Variants in STAG1 observed in about 807,000 individuals in gnomAD.
STAG1 encodes cohesin subunit SA-1.
Under a neutral mutation model 170.9 loss-of-function variants are expected in STAG1, and 26 were observed. The observed-to-expected ratio is 0.15, with a 90% CI of 0.11 to 0.21. The LOEUF is 0.21. STAG1 is among the 10% of genes least tolerant of loss of function. STAG1 has a pLI of 1.00. For missense variants in STAG1, 964 were observed against 1,509.5 expected (o/e 0.64, Z 5.99); for synonymous variants, 514 against 497.7 (o/e 1.03, Z -0.44).
At chr3:136,592,736 C>T (rs2107794516) in intron 4 of STAG1, among the ~76,000 whole-genome samples, 1 of 152,252 alleles carries the variant, frequency 6.6e-6, no homozygotes, top group African/African-American at 2.4e-5. Context: ...TTCTTATCCA[C>T]ATAGAGATTA....
intron 1 of STAG1, among the ~76,000 whole-genome samples, chr3:136,742,888 T>C (rs1233788083): frequency 2.0e-5 from 3 of 152,098 alleles, no homozygotes; most frequent in Non-Finnish European, 4.4e-5. Flanking sequence ...AATGTATTTA[T>C]TAGAAAACAA....
chr3:136,692,126 CCAA>C (rs1942745323), intron 1 of STAG1, among the ~76,000 whole-genome samples: 1 of 147,436 alleles, frequency 6.8e-6, no homozygotes, highest in African/African-American at 2.5e-5. Flanking sequence ...ACCAGCCTGG[CCAA>C]CATGATGAAA....
At chr3:136,696,074 A>C (rs575407696) in intron 1 of STAG1, among the ~76,000 whole-genome samples, 1 of 152,360 alleles carries the variant, frequency 6.6e-6, no homozygotes, top group Admixed American at 6.5e-5. Context: ...CAAACAAAAG[A>C]TTGGGGTTTT....
intron 20 of STAG1, 117 bp from the exon 21 acceptor site, chr3:136,418,089 C>G: frequency 2.5e-6 from 2 of 789,944 alleles, no homozygotes; most frequent in Non-Finnish European, 4.1e-6. Context: ...CACACTGGCT[C>G]ACGCCTGTAA....
chr3:136,519,251 C>T (rs1251682422), intron 7 of STAG1, among the ~76,000 whole-genome samples: 1 of 152,016 alleles, frequency 6.6e-6, no homozygotes, highest in Non-Finnish European at 1.5e-5. Flanking sequence ...TACAATTAAC[C>T]TTTTAAACAG....
rs1488020978 is a variant in STAG1 at position 136,336,930 on chromosome 3, TTC to T, written c.*1322_*1323del. 1.4e-5 allele frequency: 2 copies of T among 145,338 alleles called. No individual in the cohort carries two copies. The highest frequency in any genetic ancestry group is 7.2e-5 in the Admixed American group (1 of 13,916). 9.0% of individuals were successfully genotyped at this position (145,338 alleles called of 1,614,324 possible). On this transcript the variant is annotated 3_prime_UTR_variant, in exon 34 of 34. Coordinates refer to ENST00000383202, the MANE Select transcript of STAG1 (RefSeq NM_005862.3). Reference sequence around the variant, plus strand: ...AGCTGTGGATGAATTGGTTTGGAAATTCTGAGGCTTACTTTAGAAATCAGAAA... The same window carrying T: ...AGCTGTGGATGAATTGGTTTGGAAATTGAGGCTTACTTTAGAAATCAGAAA...
intron 24 of STAG1, among the ~76,000 whole-genome samples, 193 bp from the exon 25 acceptor site, chr3:136,367,275 T>G (rs1937110863): frequency 6.6e-6 from 1 of 152,120 alleles, no homozygotes; most frequent in African/African-American, 2.4e-5. Flanking sequence ...TATCAAACAT[T>G]TAATAGGTAC....
chr3:136,751,114 C>T (rs894246503), intron 1 of STAG1, among the ~76,000 whole-genome samples: 7 of 151,974 alleles, frequency 4.6e-5, no homozygotes, highest in African/African-American at 1.7e-4. Context: ...CGAGAATAAA[C>T]TCTATCCATC....
intron 1 of STAG1, among the ~76,000 whole-genome samples, chr3:136,678,227 T>C (rs1367061141): frequency 1.3e-5 from 2 of 150,406 alleles, no homozygotes; most frequent in East Asian, 3.9e-4. Flanking sequence ...AGAGAACAGC[T>C]AATGCTAAAA....
intron 1 of STAG1, among the ~76,000 whole-genome samples, chr3:136,636,140 C>T (rs1376346381): frequency 6.6e-6 from 1 of 151,594 alleles, no homozygotes; most frequent in African/African-American, 2.4e-5. Flanking sequence ...CCCAGCTACT[C>T]GGGAGGCTGA....
rs575225117 is a variant in STAG1, at chr3:136,337,116, G to C, written c.*1138C>G. On this transcript the variant is annotated 3_prime_UTR_variant, in exon 34 of 34. Coordinates refer to ENST00000383202, the MANE Select transcript of STAG1 (RefSeq NM_005862.3). ...TATGCACATTTAACACTGAAATGTA[G>C]CTGTAATTCAAGGTAAGCTTAGGAA... 6.5e-6 allele frequency: 1 copy of C among 152,758 alleles called. No homozygotes were observed. Among genetic ancestry groups the C allele is most frequent in the South Asian group, 2.1e-4 (1 of 4,822 alleles). 9.5% of individuals were successfully genotyped at this position (152,758 alleles called of 1,614,324 possible). A position where few individuals can be genotyped will look rare whatever the true frequency, so the allele number is the denominator to read the frequency against.
intron 1 of STAG1, among the ~76,000 whole-genome samples, chr3:136,729,152 CGT>C (rs1306380320): frequency 6.6e-6 from 1 of 151,878 alleles, no homozygotes; most frequent in Admixed American, 6.6e-5. Context: ...AGCTAATTTG[CGT>C]GTGTGTGGTT....
chr3:136,598,323 T>C (rs1473034350), intron 4 of STAG1, among the ~76,000 whole-genome samples: 4 of 152,210 alleles, frequency 2.6e-5, no homozygotes, highest in African/African-American at 9.6e-5. Flanking sequence ...AGATAACACA[T>C]CTATCCAAGT....
intron 1 of STAG1, among the ~76,000 whole-genome samples, chr3:136,702,078 A>AGG (rs1943083437): frequency 3.2e-5 from 1 of 31,040 alleles, no homozygotes; most frequent in Non-Finnish European, 6.5e-5. Flanking sequence ...ATGCCGAAAG[A>AGG]GAGAGAGAGA....
intron 1 of STAG1, among the ~76,000 whole-genome samples, chr3:136,648,636 C>T (rs1313871197): frequency 6.6e-6 from 1 of 152,152 alleles, no homozygotes; most frequent in Non-Finnish European, 1.5e-5. Context: ...TGAAATCATG[C>T]AGTCATCCAA....
In STAG1 at chr3:136,658,147, G is replaced by GTAA. The variant is rs1420249568; in HGVS notation, c.-83-27167_-83-27166insTTA. Among the ~76,000 whole-genome samples, 664 of 150,284 alleles carry GTAA rather than the reference G, an allele frequency of 4.4e-3. 5 individuals carry two copies. Among genetic ancestry groups the GTAA allele is most frequent in the African/African-American group, 0.016 (633 of 40,780 alleles). On this transcript the variant is annotated intron_variant, in intron 1 of 33. Transcript: ENST00000383202. ...CCAGGTTACACTGAGCTATGATCGT[G>GTAA]CCACTGTACTCCAGCCTAGGTGACA...
chr3:136,528,699 C>T (rs1347621960), intron 6 of STAG1, among the ~76,000 whole-genome samples: 2 of 152,028 alleles, frequency 1.3e-5, no homozygotes, highest in African/African-American at 4.8e-5. Context: ...TGTATCATCC[C>T]ACCAGCTCGG....
At chr3:136,506,645 C>CAAAAAA (rs1248797469) in intron 7 of STAG1, among the ~76,000 whole-genome samples, 3 of 46,466 alleles carry the variant, frequency 6.5e-5, no homozygotes, top group Non-Finnish European at 9.3e-5. Flanking sequence ...GACTCCACCT[C>CAAAAAA]AAAAAAAAAA....
chr3:136,510,643 C>T (rs1934018866), intron 7 of STAG1, among the ~76,000 whole-genome samples: 1 of 140,456 alleles, frequency 7.1e-6, no homozygotes. Context: ...TGGAGTCTTG[C>T]TGTGTCACCA....
Sources: gnomAD v4.1 joint callset for allele counts (sites outside exome capture counted in the v4.1 genomes callset) on GRCh38, gnomAD v4.1.1 for gene constraint, MANE v1.5 for transcripts, NCBI Gene and HGNC (gene_info 2026-07-23, HGNC 2026-07-21) for gene names.